PBX4: variants seen among roughly 807,000 people sequenced by gnomAD.
PBX4 encodes pre-B-cell leukemia transcription factor 4.
Under a neutral mutation model 35.1 loss-of-function variants are expected in PBX4, and 26 were observed. That is an observed-to-expected ratio of 0.74 (90% CI 0.54 to 1.03). PBX4 has a LOEUF of 1.03. Ranked by LOEUF, PBX4 falls within the 50% of genes least tolerant of loss-of-function variation. The pLI is 0.00. For synonymous variants in PBX4, 199 were observed against 204.2 expected, an observed-to-expected ratio of 0.97 and a Z score of 0.22; for missense variants, 448 against 504.3, an observed-to-expected ratio of 0.89 and a Z score of 1.07.
At chr19:19,571,009 C>T in intron 2 of PBX4, 176 bp from the exon 3 acceptor site, 1 of 819,238 alleles carries the variant, frequency 1.2e-6, no homozygotes. Context: ...CCCGCTAAGA[C>T]ATGGGTCCAA....
Position 19,570,186 on chromosome 19 carries a change from G to A in PBX4, c.555C>T (p.Phe185=). ...ERMVGAIHGK[F]SAIQMQLKQS... Reference sequence around the variant, plus strand: ...GCTTCAACTGCATCTGGATGGCGCTGAACTTGCCGTGAATGGCGCCGACCA... The same window carrying A: ...GCTTCAACTGCATCTGGATGGCGCTAAACTTGCCGTGAATGGCGCCGACCA... The change falls in exon 4 of 8, where the codon TTC becomes TTT. Residue 185 remains phenylalanine (F), a synonymous_variant. Transcript: ENST00000251203. 2 of 1,614,102 alleles carry A rather than the reference G, an allele frequency of 1.2e-6. No homozygotes were observed. The highest frequency in any genetic ancestry group is 1.7e-6 in the Non-Finnish European group (2 of 1,180,024).
chr19:19,567,596 C>T (rs1184203963), intron 5 of PBX4, among the ~76,000 whole-genome samples: 1 of 152,160 alleles, frequency 6.6e-6, no homozygotes, highest in Non-Finnish European at 1.5e-5. Flanking sequence ...CTGTTCCACA[C>T]ACTCATGCTG....
At chr19:19,615,163 T>C (rs1599386175) in intron 1 of PBX4, among the ~76,000 whole-genome samples, 1 of 50,498 alleles carries the variant, frequency 2.0e-5, no homozygotes, top group Admixed American at 3.1e-4. Context: ...AGACCCTGTC[T>C]CCAAAAAAAA....
At chr19:19,617,794 G>C (rs955291336) in intron 1 of PBX4, among the ~76,000 whole-genome samples, 1 of 151,998 alleles carries the variant, frequency 6.6e-6, no homozygotes, top group Non-Finnish European at 1.5e-5. Flanking sequence ...AGTTACCCCA[G>C]TTCAGTTCTT....
chr19:19,606,164 C>T (rs895477619), intron 1 of PBX4, among the ~76,000 whole-genome samples: 1 of 152,134 alleles, frequency 6.6e-6, no homozygotes, highest in African/African-American at 2.4e-5. Context: ...TCAGGAAGTA[C>T]CTGTGACTTG....
intron 2 of PBX4, among the ~76,000 whole-genome samples, chr19:19,589,846 C>T (rs1374126973): frequency 6.6e-6 from 1 of 152,144 alleles, no homozygotes; most frequent in Non-Finnish European, 1.5e-5. Flanking sequence ...ACAGATCTGC[C>T]TTGTGCTTTC....
intron 1 of PBX4, among the ~76,000 whole-genome samples, chr19:19,609,421 T>C (rs560715439): frequency 4.3e-4 from 65 of 151,574 alleles, no homozygotes; most frequent in Non-Finnish European, 9.0e-4. Context: ...TGGTGGTGCA[T>C]GCCTGTAATC....
chr19:19,587,443 C>G (rs1269062701), intron 2 of PBX4, among the ~76,000 whole-genome samples: 1 of 151,332 alleles, frequency 6.6e-6, no homozygotes, highest in Non-Finnish European at 1.5e-5. Context: ...CAAAAATTAG[C>G]CGGGCGTGGT....
intron 1 of PBX4, among the ~76,000 whole-genome samples, chr19:19,613,292 CCCGTCTCTA>C (rs956896233): frequency 3.3e-5 from 5 of 150,726 alleles, no homozygotes; most frequent in African/African-American, 1.2e-4. Context: ...ATGGCAAAAC[CCCGTCTCTA>C]CTAAAAAAAT....
At chr19:19,593,644 C>T (rs1314373360) in intron 2 of PBX4, among the ~76,000 whole-genome samples, 1 of 152,216 alleles carries the variant, frequency 6.6e-6, no homozygotes, top group Non-Finnish European at 1.5e-5. Context: ...CATCCCTCAG[C>T]TCCAGGCTTG....
chr19:19,612,609 A>C (rs919249186), intron 1 of PBX4, among the ~76,000 whole-genome samples: 2 of 152,202 alleles, frequency 1.3e-5, no homozygotes, highest in African/African-American at 2.4e-5. Flanking sequence ...GGGTGGAAAT[A>C]GCCCATTTGA....
intron 2 of PBX4, among the ~76,000 whole-genome samples, chr19:19,579,167 G>T (rs1377005357): frequency 6.6e-6 from 1 of 152,120 alleles, no homozygotes; most frequent in African/African-American, 2.4e-5. Context: ...TGGCCAATAT[G>T]GTGAAACCCC....
intron 2 of PBX4, among the ~76,000 whole-genome samples, chr19:19,593,078 C>T (rs1316679770): frequency 6.6e-6 from 1 of 152,232 alleles, no homozygotes; most frequent in Non-Finnish European, 1.5e-5. Flanking sequence ...TCCATCAATA[C>T]CCACCAGACT....
intron 5 of PBX4, among the ~76,000 whole-genome samples, chr19:19,565,471 G>C (rs113611178): frequency 0.017 from 2,580 of 152,316 alleles, 83 homozygotes; most frequent in South Asian, 0.11. Flanking sequence ...GGAAAAGTGA[G>C]AGCCAGGGAG....
rs1249792389 is a variant in PBX4, at chr19:19,572,070, CTTTTTTTTT to C, written c.194-1246_194-1238del. Among the ~76,000 whole-genome samples the C allele has an allele frequency of 5.8e-5, 4 of 69,124 alleles. No individual in the cohort carries two copies. The South Asian group carries it at 2.0e-3, about 34-fold the overall frequency. The allele number at this position is 69,124 out of a possible 152,430, so 45.3% of individuals were successfully genotyped here. On this transcript the variant is annotated intron_variant, in intron 2 of 7. Transcript: ENST00000251203. Reference sequence around the variant, plus strand: ...AAAAAAGTGTTCTCTTAGAATCAGGCTTTTTTTTTTTTTTTTTTTTTTGAGATGGAATCT... The same window carrying C: ...AAAAAAGTGTTCTCTTAGAATCAGGCTTTTTTTTTTTTTGAGATGGAATCT...
chr19:19,579,142 A>G (rs1039955106), intron 2 of PBX4, among the ~76,000 whole-genome samples: 4 of 152,092 alleles, frequency 2.6e-5, no homozygotes, highest in Non-Finnish European at 4.4e-5. Context: ...CAAGGTCAAT[A>G]GATCGAGACC....
chr19:19,579,063 A>T (rs1454442285), intron 2 of PBX4, among the ~76,000 whole-genome samples: 2 of 152,156 alleles, frequency 1.3e-5, no homozygotes, highest in Admixed American at 6.5e-5. Flanking sequence ...TAAACCACCC[A>T]GTCTGGGCCG....
At chr19:19,564,765 G>T in intron 6 of PBX4, 168 bp downstream of exon 6, 2 of 828,702 alleles carry the variant, frequency 2.4e-6, no homozygotes, top group Non-Finnish European at 1.9e-6. Context: ...TGTTGGTTGG[G>T]ATCATGGCCA....
intron 1 of PBX4, among the ~76,000 whole-genome samples, chr19:19,599,569 G>A (rs1003750146): frequency 1.3e-5 from 2 of 152,200 alleles, no homozygotes; most frequent in African/African-American, 4.8e-5. Context: ...CAGCCGTGGT[G>A]GCTCACGCCT....
Sources: gnomAD v4.1 joint callset for allele counts (sites outside exome capture counted in the v4.1 genomes callset) on GRCh38, gnomAD v4.1.1 for gene constraint, MANE v1.5 for transcripts, NCBI Gene and HGNC (gene_info 2026-07-23, HGNC 2026-07-21) for gene names.